Variants in FGF12 observed in about 807,000 individuals in gnomAD.
FGF12 encodes the protein fibroblast growth factor 12, also known as fibroblast growth factor 12B.
Under a neutral mutation model 23.6 loss-of-function variants are expected in FGF12, and 14 were observed. The ratio of observed to expected loss-of-function variants is 0.59; its 90% CI spans 0.39 to 0.93. The LOEUF is 0.93. Among genes scored for constraint, FGF12 ranks in the 40% least tolerant of loss-of-function variants. FGF12 has a pLI of 0.00. For synonymous variants in FGF12, 62 were observed against 77.3 expected (o/e 0.80, Z 1.04); for missense variants, 175 against 217.8 (o/e 0.80, Z 1.24).
intron 2 of FGF12, among the ~76,000 whole-genome samples, chr3:192,560,348 A>T (rs193282991): frequency 1.3e-5 from 2 of 152,128 alleles, no homozygotes; most frequent in East Asian, 3.9e-4. Context: ...AATAAATAAA[A>T]AAATAATAAA....
At chr3:192,318,200 C>T (rs1422902889) in intron 4 of FGF12, among the ~76,000 whole-genome samples, 1 of 152,124 alleles carries the variant, frequency 6.6e-6, no homozygotes, top group East Asian at 1.9e-4. Context: ...CACTGATGAA[C>T]AGCCGCAAGC....
At chr3:192,283,201 T>C (rs561292951) in intron 4 of FGF12, 2 of 152,230 alleles carry the variant, frequency 1.3e-5, no homozygotes, top group African/African-American at 2.4e-5. Context: ...GTAACCACCA[T>C]AGTCTGGGGC....
In FGF12 at chr3:192,140,418, G is replaced by A. The variant is rs1214733883; in HGVS notation, c.*3591C>T. On this transcript the variant is annotated 3_prime_UTR_variant, in exon 6 of 6. Transcript: ENST00000445105. Reference sequence around the variant, plus strand: ...TCAAGAGCAAGGCCTTGTAGACTAAGGTATGAGGGTGAAATCGATTTGCTA... The same window carrying A: ...TCAAGAGCAAGGCCTTGTAGACTAAAGTATGAGGGTGAAATCGATTTGCTA... 3 of 151,912 alleles carry A rather than the reference G, an allele frequency of 2.0e-5. No homozygotes were observed. Among genetic ancestry groups the A allele is most frequent in the African/African-American group, 7.2e-5 (3 of 41,402 alleles). The allele number at this position is 151,912 out of a possible 1,614,324, so 9.4% of individuals were successfully genotyped here.
In FGF12 at chr3:192,392,557, T is replaced by C. The variant is rs190776999; in HGVS notation, c.14-32019A>G. The stretch of plus-strand genomic sequence containing the variant: ...GTTGCAGTGAACCAAGATTGCGCCA[T>C]TGCACTCCAGCCTGGGCAACAAAAG... On this transcript the variant is annotated intron_variant, in intron 2 of 5. Coordinates refer to ENST00000445105, the MANE Select transcript of FGF12 (RefSeq NM_004113.6). Among the ~76,000 whole-genome samples the C allele has an allele frequency of 2.4e-3, 334 of 140,500 alleles. 1 individual carries two copies. Among genetic ancestry groups the C allele is most frequent in the African/African-American group, 8.7e-3 (325 of 37,386 alleles). The allele number at this position is 140,500 out of a possible 152,430, so 92.2% of individuals were successfully genotyped here.
At chr3:192,544,154 A>C (rs1725438412) in intron 2 of FGF12, among the ~76,000 whole-genome samples, 1 of 152,178 alleles carries the variant, frequency 6.6e-6, no homozygotes, top group African/African-American at 2.4e-5. Context: ...GTGACAGGAC[A>C]GCACTGAGTT....
chr3:192,325,671 G>A (rs1441399440), intron 4 of FGF12, among the ~76,000 whole-genome samples: 1 of 152,116 alleles, frequency 6.6e-6, no homozygotes, highest in South Asian at 2.1e-4. Flanking sequence ...GTTTTATAAA[G>A]CCTGCGTATC....
At chr3:192,349,617 T>C (rs547840138) in intron 3 of FGF12, among the ~76,000 whole-genome samples, 1 of 152,214 alleles carries the variant, frequency 6.6e-6, no homozygotes, top group East Asian at 1.9e-4. Context: ...TGTAACACTT[T>C]GAGAATATAT....
In FGF12 at chr3:192,482,995, T is replaced by A. The variant is rs1414662032; in HGVS notation, c.14-122457A>T. ...AAGTCCAAATATTTTAGAATAGAAT[T>A]TATAGTCTTCTACAACTTACAACCT... On this transcript the variant is annotated intron_variant, in intron 2 of 5. Transcript: ENST00000445105. 2.0e-5 allele frequency among the ~76,000 whole-genome samples: 3 copies of A among 152,128 alleles called. No homozygotes were observed. In the East Asian group the frequency reaches 5.8e-4, roughly 29 times the overall value.
chr3:192,305,282 CA>C (rs1194430489), intron 4 of FGF12, among the ~76,000 whole-genome samples: 3 of 151,392 alleles, frequency 2.0e-5, no homozygotes, highest in Non-Finnish European at 4.4e-5. Context: ...TACAGGGTGT[CA>C]AAAAAATGGA....
At chr3:192,421,804 G>C (rs1344002456) in intron 2 of FGF12, among the ~76,000 whole-genome samples, 1 of 148,532 alleles carries the variant, frequency 6.7e-6, no homozygotes, top group East Asian at 2.0e-4. Flanking sequence ...ATGTACCCCA[G>C]AACTTAAAGT....
At chr3:192,315,151 C>T (rs370596158) in intron 4 of FGF12, among the ~76,000 whole-genome samples, 1 of 152,122 alleles carries the variant, frequency 6.6e-6, no homozygotes, top group Non-Finnish European at 1.5e-5. Context: ...GTAGGTATAC[C>T]ATAAATACAG....
chr3:192,189,913 T>C (rs1014526925), intron 4 of FGF12, among the ~76,000 whole-genome samples: 1 of 149,534 alleles, frequency 6.7e-6, no homozygotes, highest in African/African-American at 2.5e-5. Flanking sequence ...GAGCAGGATG[T>C]TTTAAGGACT....
At position 192,409,990 on chromosome 3, in the gene FGF12, A is replaced by AGCC. The variant is rs900726848; in HGVS notation, c.14-49455_14-49453dup. Among the ~76,000 whole-genome samples the AGCC allele has an allele frequency of 4.0e-5, 6 of 151,450 alleles. No individual in the cohort carries two copies. Among genetic ancestry groups the AGCC allele is most frequent in the East Asian group, 2.0e-4 (1 of 5,080 alleles). On this transcript the variant is annotated intron_variant, in intron 2 of 5. Transcript: ENST00000445105. The surrounding 1 kb of genome is among the most constrained non-coding windows in gnomAD (Gnocchi z 4.8). ...ATGGGCTGAGGCTCTGGGCGCGCGG[A>AGCC]GCCGCCGCCGCCCCTCCGGCTGGCT...
At chr3:192,498,054 C>T (rs1452734763) in intron 2 of FGF12, among the ~76,000 whole-genome samples, 1 of 152,196 alleles carries the variant, frequency 6.6e-6, no homozygotes, top group Admixed American at 6.5e-5. Context: ...CCCCATGACT[C>T]GGTGCACATT....
At chr3:192,168,302 A>T (rs1156994063) in intron 5 of FGF12, among the ~76,000 whole-genome samples, 1 of 152,148 alleles carries the variant, frequency 6.6e-6, no homozygotes, top group Non-Finnish European at 1.5e-5. Context: ...GAGAATCCAT[A>T]TATTTCCCTG....
rs9866482 is a variant in FGF12, at chr3:192,417,444, C to T, written c.14-56906G>A. Among the ~76,000 whole-genome samples, 947 of 150,938 alleles carry T rather than the reference C, an allele frequency of 6.3e-3. 8 individuals carry two copies. Among genetic ancestry groups the T allele is most frequent in the African/African-American group, 0.022 (905 of 41,146 alleles). On this transcript the variant is annotated intron_variant, in intron 2 of 5. Coordinates refer to ENST00000445105, the MANE Select transcript of FGF12 (RefSeq NM_004113.6). Reference sequence around the variant, plus strand: ...AAGAATCTGACTTAGAATTTTTGTTCCTCCTGTAAGAACGTAGTATAGTGT... The same window carrying T: ...AAGAATCTGACTTAGAATTTTTGTTTCTCCTGTAAGAACGTAGTATAGTGT...
At chr3:192,436,432 A>G (rs1236323850) in intron 2 of FGF12, among the ~76,000 whole-genome samples, 1 of 152,196 alleles carries the variant, frequency 6.6e-6, no homozygotes, top group Non-Finnish European at 1.5e-5. Flanking sequence ...CAGATTTCCA[A>G]TTCAAAAGGA....
At chr3:192,480,252 C>A (rs529697232) in intron 2 of FGF12, among the ~76,000 whole-genome samples, 1 of 152,122 alleles carries the variant, frequency 6.6e-6, no homozygotes, top group African/African-American at 2.4e-5. Context: ...AGGAACCTTA[C>A]CATTCTTCTC....
intron 4 of FGF12, among the ~76,000 whole-genome samples, chr3:192,205,925 C>A (rs1717626455): frequency 6.6e-6 from 1 of 152,120 alleles, no homozygotes; most frequent in South Asian, 2.1e-4. Flanking sequence ...ATGTGGTGCT[C>A]TACACAGAGG....
Sources: gnomAD v4.1 joint callset for allele counts (sites outside exome capture counted in the v4.1 genomes callset) on GRCh38, gnomAD v4.1.1 for gene constraint, Gnocchi (gnomAD v3.1) non-coding constraint, MANE v1.5 for transcripts, NCBI Gene and HGNC (gene_info 2026-07-23, HGNC 2026-07-21) for gene names.